Variants in CLUAP1 observed in about 807,000 individuals in gnomAD.
CLUAP1 encodes intraflagellar transport 38, also known as clusterin-associated protein 1.
A neutral mutation model predicts 55.0 loss-of-function variants in CLUAP1; 50 were observed. That is an observed-to-expected ratio of 0.91 (90% CI 0.72 to 1.15). The LOEUF (loss-of-function observed/expected upper bound fraction) is 1.15. CLUAP1 is among the 50% of genes most tolerant of loss of function. The pLI is 0.00. For missense variants in CLUAP1, 530 were observed against 507.6 expected, an observed-to-expected ratio of 1.04 and a Z score of -0.42; for synonymous variants, 195 against 175.4, an observed-to-expected ratio of 1.11 and a Z score of -0.88.
chr16:3,530,342 T>C (rs2038089546), intron 9 of CLUAP1: 1 of 455,258 alleles, frequency 2.2e-6, no homozygotes, highest in Non-Finnish European at 4.0e-6. Flanking sequence ...TTGGTTTGAG[T>C]TGTAAGAAGA....
At chr16:3,496,466 G>C, upstream of CLUAP1, 1 of 857,534 alleles carries the variant, frequency 1.2e-6, no homozygotes, top group Non-Finnish European at 1.8e-6. Flanking sequence ...GACGCTTAAC[G>C]GATGACGCGA....
upstream of CLUAP1, among the ~76,000 whole-genome samples, chr16:3,497,546 C>A (rs2037327424): frequency 6.6e-6 from 1 of 152,168 alleles, no homozygotes; most frequent in Non-Finnish European, 1.5e-5. Flanking sequence ...GTGTATTAGG[C>A]TTCTCCAGAG....
chr16:3,504,657 C>G (rs1420642648), intron 1 of CLUAP1, 63 bp from the exon 2 acceptor site: 2 of 920,804 alleles, frequency 2.2e-6, no homozygotes, highest in Non-Finnish European at 3.6e-6. Context: ...AAGACAATAT[C>G]TAAGTTAATA....
At chr16:3,504,528 A>T (rs1356388708) in intron 1 of CLUAP1, among the ~76,000 whole-genome samples, 192 bp from the exon 2 acceptor site, 1 of 152,190 alleles carries the variant, frequency 6.6e-6, no homozygotes, top group Non-Finnish European at 1.5e-5. Flanking sequence ...ACTTAAATAT[A>T]TGCTTTTTAG....
chr16:3,495,638 C>T, the CLUAP1 span: 6 of 582,266 alleles, frequency 1.0e-5, no homozygotes, highest in African/African-American at 1.2e-4. Context: ...GGCCAGAACC[C>T]TGGGGGAAGT....
intron 7 of CLUAP1, 82 bp from the exon 8 acceptor site, chr16:3,523,076 A>G (rs983558972): frequency 8.5e-6 from 10 of 1,180,608 alleles, no homozygotes; most frequent in Middle Eastern, 2.8e-4. Flanking sequence ...GAAAGCCACC[A>G]TGGAATCTGA....
chr16:3,496,387 G>T, upstream of CLUAP1: 1 of 1,184,482 alleles, frequency 8.4e-7, no homozygotes, highest in Non-Finnish European at 1.2e-6. Context: ...GGCCACCTCT[G>T]TCCGTTTCCC....
rs1491476283 is a variant in CLUAP1 at position 3,529,683 on chromosome 16, ATT to A, written c.929-884_929-883del. ...TATTATATATTATTATATATTATAT[ATT>A]ATTATATATTATATATTATATATTA... is the stretch of plus-strand genomic sequence containing the variant. On this transcript the variant is annotated intron_variant, in intron 9 of 11. Transcript: ENST00000576634. Among the ~76,000 whole-genome samples, 33 of 6,222 alleles carry A rather than the reference ATT, an allele frequency of 5.3e-3. 2 individuals carry two copies. Among genetic ancestry groups the A allele is most frequent in the African/African-American group, 0.033 (32 of 966 alleles). The allele number at this position is 6,222 out of a possible 152,430, so 4.1% of individuals were successfully genotyped here.
chr16:3,530,481 C>A, intron 9 of CLUAP1, 87 bp from the exon 10 acceptor site: 1 of 885,656 alleles, frequency 1.1e-6, no homozygotes, highest in Non-Finnish European at 1.9e-6. Flanking sequence ...GAACAAATGA[C>A]TTTTGCACAC....
intron 1 of CLUAP1, among the ~76,000 whole-genome samples, chr16:3,501,777 CAAAA>C (rs934863273): frequency 2.0e-5 from 3 of 150,420 alleles, no homozygotes; most frequent in African/African-American, 7.3e-5. Context: ...TCTCAAAAAA[CAAAA>C]AACAAACCAA....
intron 9 of CLUAP1, among the ~76,000 whole-genome samples, chr16:3,528,318 T>C (rs1280228855): frequency 6.6e-6 from 1 of 152,042 alleles, no homozygotes; most frequent in East Asian, 1.9e-4. Context: ...ACACACACTC[T>C]CTCTCTCTCT....
At chr16:3,536,073 C>T (rs754894940) in intron 11 of CLUAP1, 49 bp from the exon 12 acceptor site, 24 of 1,599,420 alleles carry the variant, frequency 1.5e-5, no homozygotes, top group Middle Eastern at 1.7e-4. Flanking sequence ...GACAAGATGT[C>T]AGGAATGAGG....
At chr16:3,518,434 C>T (rs979956541) in intron 6 of CLUAP1, among the ~76,000 whole-genome samples, 12 of 152,174 alleles carry the variant, frequency 7.9e-5, no homozygotes, top group Admixed American at 7.9e-4. Flanking sequence ...AACATGGGTA[C>T]TTAAAAGGGT....
intron 4 of CLUAP1, among the ~76,000 whole-genome samples, chr16:3,509,243 T>C (rs992156390): frequency 1.3e-5 from 2 of 152,026 alleles, no homozygotes; most frequent in Non-Finnish European, 2.9e-5. Context: ...AACGAGACCT[T>C]GTCTGGGGGG....
Position 3,523,176 on chromosome 16 carries a change from G to C in CLUAP1, c.732G>C (p.Glu244Asp). ...CTTTTAGGCCATGTTTTATGGATGA[G>C]TATGAGAAGACTGAGGAAGAATTAC... Reference protein sequence around the residue: ...LQSVRPCFMDEYEKTEEELQK... With the variant: ...LQSVRPCFMDDYEKTEEELQK... The change falls in exon 8 of 12, where the codon GAG (glutamate) becomes GAC (aspartate). Residue 244 changes from glutamate to aspartate, a missense_variant. Coordinates refer to ENST00000576634, the MANE Select transcript of CLUAP1 (RefSeq NM_015041.3). The C allele has an allele frequency of 6.2e-7, 1 of 1,612,758 alleles. No homozygotes were observed. The highest frequency in any genetic ancestry group is 8.5e-7 in the Non-Finnish European group (1 of 1,179,546).
At chr16:3,535,869 G>A (rs1253410244) in intron 11 of CLUAP1, 27 of 483,480 alleles carry the variant, frequency 5.6e-5, no homozygotes, top group Non-Finnish European at 8.2e-5. Context: ...TAGACGCTGC[G>A]GGAAAGCCAG....
intron 2 of CLUAP1, 90 bp downstream of exon 2, chr16:3,504,921 A>G: frequency 1.2e-6 from 1 of 836,614 alleles, no homozygotes; most frequent in African/African-American, 1.7e-5. Context: ...GTGATGCTGC[A>G]AAAGGGAAAG....
chr16:3,524,596 CAAA>C (rs755040158), intron 8 of CLUAP1, among the ~76,000 whole-genome samples: 263 of 34,230 alleles, frequency 7.7e-3, no homozygotes, highest in African/African-American at 0.021. Context: ...GACACCATCT[CAAA>C]AAAAAAAAAA....
At chr16:3,526,549 A>G in intron 9 of CLUAP1, 65 bp downstream of exon 9, 2 of 957,636 alleles carry the variant, frequency 2.1e-6, no homozygotes, top group Admixed American at 3.5e-5. Context: ...TGAAATATAT[A>G]TAGAGAGATA....
Sources: gnomAD v4.1 joint callset for allele counts (sites outside exome capture counted in the v4.1 genomes callset) on GRCh38, gnomAD v4.1.1 for gene constraint, MANE v1.5 for transcripts, NCBI Gene and HGNC (gene_info 2026-07-23, HGNC 2026-07-21) for gene names.